PACRG: variants seen among roughly 807,000 people sequenced by gnomAD.
The protein encoded by PACRG is parkin coregulated, also known as parkin coregulated gene protein.
PACRG carries 29 observed loss-of-function variants against 29.7 expected under a neutral mutation model. The ratio of observed to expected loss-of-function variants is 0.98; its 90% CI spans 0.73 to 1.33. PACRG has a LOEUF of 1.33. Among genes scored for constraint, PACRG ranks in the 40% most tolerant of loss-of-function variants. The pLI is 0.00. For missense variants in PACRG, 279 were observed against 316.2 expected (o/e 0.88, Z 0.89); for synonymous variants, 116 against 118.7 (o/e 0.98, Z 0.15).
chr6:163,303,542 A>G (rs956011884), intron 4 of PACRG, among the ~76,000 whole-genome samples: 1 of 152,188 alleles, frequency 6.6e-6, no homozygotes, highest in African/African-American at 2.4e-5. Context: ...ATCACTCCTG[A>G]GGGCAGCCAT....
At chr6:162,958,944 A>C (rs1800375317) in intron 2 of PACRG, among the ~76,000 whole-genome samples, 2 of 120,440 alleles carry the variant, frequency 1.7e-5, no homozygotes, top group Admixed American at 9.1e-5. Flanking sequence ...GAGAGATGAA[A>C]TCTCACTCCA....
intron 4 of PACRG, among the ~76,000 whole-genome samples, chr6:163,211,038 C>G (rs1382669204): frequency 6.6e-6 from 1 of 152,158 alleles, no homozygotes; most frequent in Non-Finnish European, 1.5e-5. Context: ...TTTGACAATA[C>G]TAAATTTTTT....
At chr6:162,779,416 A>G (rs1783915607) in intron 1 of PACRG, among the ~76,000 whole-genome samples, 2 of 152,244 alleles carry the variant, frequency 1.3e-5, no homozygotes, top group African/African-American at 4.8e-5. Flanking sequence ...AATCCACAGA[A>G]AACATAATCT....
intron 2 of PACRG, among the ~76,000 whole-genome samples, chr6:162,889,143 C>T (rs1354667708): frequency 6.6e-6 from 1 of 152,130 alleles, no homozygotes; most frequent in Non-Finnish European, 1.5e-5. Context: ...CATTATAACT[C>T]AGGCTTTTGA....
At chr6:162,876,409 A>G (rs1793358095) in intron 2 of PACRG, among the ~76,000 whole-genome samples, 2 of 152,196 alleles carry the variant, frequency 1.3e-5, no homozygotes, top group South Asian at 4.1e-4. Context: ...TATTGTTTAC[A>G]TGATATCACT....
chr6:163,120,529 G>T (rs1389252986), intron 4 of PACRG, among the ~76,000 whole-genome samples: 1 of 152,206 alleles, frequency 6.6e-6, no homozygotes, highest in Non-Finnish European at 1.5e-5. Flanking sequence ...CACGGGACAT[G>T]AGATGAGTTA....
At chr6:162,799,040 G>A (rs192189503) in intron 1 of PACRG, among the ~76,000 whole-genome samples, 1 of 152,278 alleles carries the variant, frequency 6.6e-6, no homozygotes, top group Admixed American at 6.5e-5. Context: ...TTGGTGAATT[G>A]CGAGTGTCTG....
chr6:163,160,973 C>A (rs1778532088), intron 4 of PACRG, among the ~76,000 whole-genome samples: 1 of 152,140 alleles, frequency 6.6e-6, no homozygotes, highest in African/African-American at 2.4e-5. Context: ...ATATGAGGCA[C>A]CTGGAGCCCA....
At chr6:162,934,830 A>C (rs1798117850) in intron 2 of PACRG, among the ~76,000 whole-genome samples, 1 of 152,218 alleles carries the variant, frequency 6.6e-6, no homozygotes. Context: ...TCACTCACAC[A>C]TGCAGGGTTC....
At chr6:162,742,915 T>C (rs1028679865) in intron 1 of PACRG, among the ~76,000 whole-genome samples, 1 of 152,102 alleles carries the variant, frequency 6.6e-6, no homozygotes, top group Non-Finnish European at 1.5e-5. Flanking sequence ...GATTATATGG[T>C]AGTTTAAATT....
intron 2 of PACRG, among the ~76,000 whole-genome samples, chr6:162,994,454 T>A (rs1000669502): frequency 1.3e-5 from 2 of 149,490 alleles, no homozygotes; most frequent in African/African-American, 5.0e-5. Flanking sequence ...TTTATTCTTT[T>A]TTCTCTAACC....
intron 2 of PACRG, among the ~76,000 whole-genome samples, chr6:162,954,826 C>T (rs1177278605): frequency 6.6e-6 from 1 of 152,122 alleles, no homozygotes; most frequent in East Asian, 1.9e-4. Flanking sequence ...TACATTGGTT[C>T]ATATAGTACT....
chr6:163,123,081 G>A (rs1816366456), intron 4 of PACRG, among the ~76,000 whole-genome samples: 1 of 152,196 alleles, frequency 6.6e-6, no homozygotes, highest in South Asian at 2.1e-4. Flanking sequence ...GAAGGAGCTG[G>A]GCTCCTAACG....
At chr6:163,292,416 T>A (rs1266964168) in intron 4 of PACRG, among the ~76,000 whole-genome samples, 1 of 152,106 alleles carries the variant, frequency 6.6e-6, no homozygotes, top group Non-Finnish European at 1.5e-5. Flanking sequence ...TGTTTTGTAT[T>A]TTTGAGATGG....
chr6:162,738,125 T>G (rs1780303960), intron 1 of PACRG, among the ~76,000 whole-genome samples: 1 of 152,192 alleles, frequency 6.6e-6, no homozygotes, highest in Non-Finnish European at 1.5e-5. Context: ...ACTCTGTCCT[T>G]TCATTCCTAG....
At chr6:163,304,030 A>G (rs1316515405) in intron 4 of PACRG, among the ~76,000 whole-genome samples, 1 of 151,458 alleles carries the variant, frequency 6.6e-6, no homozygotes, top group East Asian at 1.9e-4. Flanking sequence ...AAAAAAAAAA[A>G]AAAAAAAAGT....
chr6:163,126,516 A>G (rs2128327284), intron 4 of PACRG, among the ~76,000 whole-genome samples: 1 of 152,334 alleles, frequency 6.6e-6, no homozygotes, highest in Non-Finnish European at 1.5e-5. Flanking sequence ...AATGCGGTTG[A>G]GACAGGTCAC....
intron 2 of PACRG, among the ~76,000 whole-genome samples, chr6:162,826,163 C>A (rs1470159640): frequency 6.6e-6 from 1 of 152,060 alleles, no homozygotes; most frequent in Non-Finnish European, 1.5e-5. Flanking sequence ...TTTTGTATTT[C>A]CCATGGAAGT....
intron 1 of PACRG, among the ~76,000 whole-genome samples, chr6:162,743,341 G>A (rs1368031678): frequency 6.6e-6 from 1 of 152,062 alleles, no homozygotes; most frequent in Admixed American, 6.6e-5. Context: ...ACATAAAAGA[G>A]AAAAGATAAA....
Sources: allele counts gnomAD v4.1 joint callset (sites outside exome capture counted in the v4.1 genomes callset), GRCh38; gene constraint gnomAD v4.1.1; transcripts MANE v1.5; gene names NCBI Gene and HGNC (gene_info 2026-07-23, HGNC 2026-07-21).